TMEM132B: variants seen among roughly 807,000 people sequenced by gnomAD.
TMEM132B encodes the protein transmembrane protein 132B.
A neutral mutation model predicts 90.8 loss-of-function variants in TMEM132B; 18 were observed. That is an observed-to-expected ratio of 0.20 (90% CI 0.14 to 0.29). The LOEUF (loss-of-function observed/expected upper bound fraction) is 0.29, where lower values mean the gene tolerates loss of function less well. Among genes scored for constraint, TMEM132B ranks in the 10% least tolerant of loss-of-function variants. The probability of loss-of-function intolerance (pLI) is 1.00; values close to 1 mark genes in which losing one functional copy is unlikely to be tolerated. For synonymous variants in TMEM132B, 504 were observed against 523.3 expected, an observed-to-expected ratio of 0.96 and a Z score of 0.50; for missense variants, 1,096 against 1,326.8, an observed-to-expected ratio of 0.83 and a Z score of 2.70.
rs115749238 is a variant in TMEM132B, at chr12:125,412,308, T to C, written c.960-3223T>C. On this transcript the variant is annotated intron_variant, in intron 2 of 8. Transcript: ENST00000682704. ...AGAAGAACCCTCCGTGGGTACGTGT[T>C]GTATCTCTAAGACTGAAGGGAGAGG... is the stretch of plus-strand genomic sequence containing the variant. Among the ~76,000 whole-genome samples the C allele has an allele frequency of 5.6e-3, 850 of 152,296 alleles. 7 individuals are homozygous for C. Among genetic ancestry groups the C allele is most frequent in the African/African-American group, 0.02 (816 of 41,560 alleles).
chr12:125,595,829 C>T (rs981674954), intron 5 of TMEM132B, among the ~76,000 whole-genome samples: 5 of 151,478 alleles, frequency 3.3e-5, no homozygotes, highest in Admixed American at 3.3e-4. Flanking sequence ...CACATTGAAC[C>T]CAGCCCCATT....
chr12:125,361,972 C>A (rs1877972323), intron 2 of TMEM132B, among the ~76,000 whole-genome samples: 1 of 152,116 alleles, frequency 6.6e-6, no homozygotes, highest in South Asian at 2.1e-4. Flanking sequence ...TTAGTGAACA[C>A]TTAGTTTGTA....
At chr12:125,551,858 C>T (rs1456434536) in intron 4 of TMEM132B, among the ~76,000 whole-genome samples, 1 of 152,112 alleles carries the variant, frequency 6.6e-6, no homozygotes, top group African/African-American at 2.4e-5. Flanking sequence ...TCTAACCTGG[C>T]ACATTGTTTT....
At chr12:125,234,046 G>T (rs559923626) in intron 1 of TMEM132B, among the ~76,000 whole-genome samples, 1 of 152,310 alleles carries the variant, frequency 6.6e-6, no homozygotes, top group African/African-American at 2.4e-5. Context: ...GATTGCTGTA[G>T]TCAGGGATGT....
At chr12:125,192,431 A>T (rs1316314051) in intron 1 of TMEM132B, among the ~76,000 whole-genome samples, 1 of 151,824 alleles carries the variant, frequency 6.6e-6, no homozygotes. Context: ...TCAAGGGGAG[A>T]GTTGGGTTTT....
At chr12:125,573,208 C>T (rs1432036287) in intron 4 of TMEM132B, among the ~76,000 whole-genome samples, 1 of 152,074 alleles carries the variant, frequency 6.6e-6, no homozygotes, top group African/African-American at 2.4e-5. Flanking sequence ...GTGAACAGAA[C>T]TAGGAAAAAA....
chr12:125,517,365 T>G (rs1426803907), intron 3 of TMEM132B, among the ~76,000 whole-genome samples: 1 of 110,570 alleles, frequency 9.0e-6, no homozygotes. Flanking sequence ...TTTTTTTTTT[T>G]GCATTTTTAG....
At chr12:125,526,051 G>A (rs1387058826) in intron 4 of TMEM132B, among the ~76,000 whole-genome samples, 1 of 152,180 alleles carries the variant, frequency 6.6e-6, no homozygotes, top group African/African-American at 2.4e-5. Context: ...GTCACTGTGA[G>A]AGGAGCTGCA....
chr12:125,562,192 C>G (rs948073400), intron 4 of TMEM132B, among the ~76,000 whole-genome samples: 1 of 152,192 alleles, frequency 6.6e-6, no homozygotes, highest in African/African-American at 2.4e-5. Flanking sequence ...CTCTGATAGC[C>G]TCCAGCTTTT....
intron 2 of TMEM132B, among the ~76,000 whole-genome samples, chr12:125,387,148 G>A (rs1459156115): frequency 6.6e-6 from 1 of 151,784 alleles, no homozygotes; most frequent in Non-Finnish European, 1.5e-5. Flanking sequence ...CTTTTTTCTG[G>A]GGGTGGGGCG....
rs116419494 is a variant in TMEM132B, at chr12:125,523,624, A to T, written c.1293+3999A>T. 6.5e-3 allele frequency among the ~76,000 whole-genome samples: 984 copies of T among 152,310 alleles called. 9 individuals are homozygous for T. The highest frequency in any genetic ancestry group is 0.022 in the African/African-American group (913 of 41,560). ...TGTTATTTTCCTACCACACTTGCTTATGCAGGATTCCAGCTCTCTCTAGTT... is the reference window on the plus strand; with the variant it reads ...TGTTATTTTCCTACCACACTTGCTTTTGCAGGATTCCAGCTCTCTCTAGTT... On this transcript the variant is annotated intron_variant, in intron 4 of 8. Transcript: ENST00000682704.
intron 1 of TMEM132B, among the ~76,000 whole-genome samples, chr12:125,197,236 AT>A (rs1369272281): frequency 6.6e-6 from 1 of 152,134 alleles, no homozygotes; most frequent in Non-Finnish European, 1.5e-5. Flanking sequence ...AAAGAAAAAA[AT>A]TCTTCCTCTG....
intron 2 of TMEM132B, among the ~76,000 whole-genome samples, chr12:125,379,091 T>C (rs1878582137): frequency 1.3e-5 from 2 of 152,194 alleles, no homozygotes; most frequent in Non-Finnish European, 2.9e-5. Flanking sequence ...GTTAAGGAAC[T>C]CCCTATCAAG....
intron 1 of TMEM132B, among the ~76,000 whole-genome samples, chr12:125,327,955 G>C (rs9634135): frequency 0.18 from 27,783 of 152,168 alleles, 2,649 homozygotes; most frequent in East Asian, 0.33. Context: ...TTGGAGAATG[G>C]ATGGCCCTAG....
intron 1 of TMEM132B, among the ~76,000 whole-genome samples, chr12:125,257,089 G>A (rs1174010983): frequency 6.6e-6 from 1 of 152,128 alleles, no homozygotes; most frequent in African/African-American, 2.4e-5. Context: ...GAGGCAGGAG[G>A]ATTACTTGAG....
At chr12:125,594,693 G>C (rs1050206080) in intron 5 of TMEM132B, among the ~76,000 whole-genome samples, 2 of 152,166 alleles carry the variant, frequency 1.3e-5, no homozygotes, top group African/African-American at 2.4e-5. Flanking sequence ...TGAAGTTGCT[G>C]TTTAAATCTT....
At chr12:125,276,268 C>T (rs1013048220) in intron 1 of TMEM132B, among the ~76,000 whole-genome samples, 1 of 152,216 alleles carries the variant, frequency 6.6e-6, no homozygotes, top group South Asian at 2.1e-4. Flanking sequence ...GACCTCGAAG[C>T]GGTCAGACGA....
intron 1 of TMEM132B, among the ~76,000 whole-genome samples, chr12:125,256,392 T>C (rs1197464020): frequency 6.6e-6 from 1 of 152,230 alleles, no homozygotes; most frequent in African/African-American, 2.4e-5. Context: ...TCAGGTCTGT[T>C]GGTGCTTGCG....
At chr12:125,402,280 C>T (rs1434494640) in intron 2 of TMEM132B, among the ~76,000 whole-genome samples, 2 of 152,212 alleles carry the variant, frequency 1.3e-5, no homozygotes, top group Non-Finnish European at 2.9e-5. Flanking sequence ...ACCTCCACCA[C>T]CCGGGTTCAA....
Sources: gnomAD v4.1 joint callset for allele counts (sites outside exome capture counted in the v4.1 genomes callset) on GRCh38, gnomAD v4.1.1 for gene constraint, MANE v1.5 for transcripts, NCBI Gene and HGNC (gene_info 2026-07-23, HGNC 2026-07-21) for gene names.